Variants in DSCAM observed in about 807,000 individuals in gnomAD.
DSCAM encodes DS cell adhesion molecule.
A neutral mutation model predicts 217.7 loss-of-function variants in DSCAM; 47 were observed. The observed-to-expected ratio is 0.22, with a 90% CI of 0.17 to 0.28. DSCAM has a LOEUF of 0.28. Ranked by LOEUF, DSCAM falls within the 10% of genes least tolerant of loss-of-function variation. The probability of loss-of-function intolerance (pLI) is 1.00; values close to 1 mark genes in which losing one functional copy is unlikely to be tolerated. For missense variants in DSCAM, 2,080 were observed against 2,618.3 expected, an observed-to-expected ratio of 0.79 and a Z score of 4.49; for synonymous variants, 1,056 against 1,015.3, an observed-to-expected ratio of 1.04 and a Z score of -0.76.
At chr21:40,245,524 C>T (rs1332060540) in intron 11 of DSCAM, among the ~76,000 whole-genome samples, 1 of 152,208 alleles carries the variant, frequency 6.6e-6, no homozygotes, top group East Asian at 1.9e-4. Flanking sequence ...GCACCTCTCC[C>T]TGAAGGGAGG....
chr21:40,139,820 T>C (rs2090266793), intron 18 of DSCAM, among the ~76,000 whole-genome samples: 1 of 150,700 alleles, frequency 6.6e-6, no homozygotes, highest in South Asian at 2.1e-4. Flanking sequence ...GGTGTGTGTG[T>C]GTGGTATGCG....
At chr21:40,697,757 A>G (rs2090610773) in intron 2 of DSCAM, among the ~76,000 whole-genome samples, 2 of 152,156 alleles carry the variant, frequency 1.3e-5, no homozygotes, top group Admixed American at 1.3e-4. Context: ...GTATTCTTTG[A>G]AATTAGACTG....
At chr21:40,257,645 T>C (rs1002013115) in intron 11 of DSCAM, among the ~76,000 whole-genome samples, 7 of 152,062 alleles carry the variant, frequency 4.6e-5, no homozygotes, top group Admixed American at 6.6e-5. Flanking sequence ...ACAATCCCAA[T>C]TTTTACAGTT....
chr21:40,345,036 T>A (rs1342807822), intron 6 of DSCAM, among the ~76,000 whole-genome samples: 2 of 152,214 alleles, frequency 1.3e-5, no homozygotes, highest in African/African-American at 2.4e-5. Context: ...ACTTTCTTCT[T>A]CCTTCTCTAA....
chr21:40,466,586 T>C (rs1291909648), intron 3 of DSCAM, among the ~76,000 whole-genome samples: 1 of 150,154 alleles, frequency 6.7e-6, no homozygotes, highest in East Asian at 2.0e-4. Context: ...CTTGAAACTG[T>C]TTGTTTGTTT....
chr21:40,602,957 T>C, intron 3 of DSCAM, among the ~76,000 whole-genome samples: 1 of 33,868 alleles, frequency 3.0e-5, no homozygotes, highest in East Asian at 8.3e-4. Context: ...TTCTAATCTA[T>C]GCATTCAATG....
At chr21:40,750,063 G>C (rs112127502) in intron 1 of DSCAM, among the ~76,000 whole-genome samples, 1 of 151,846 alleles carries the variant, frequency 6.6e-6, no homozygotes, top group Non-Finnish European at 1.5e-5. Context: ...GAGTAGCTGC[G>C]ATTACAGGTG....
At chr21:40,044,703 T>C (rs1382234499) in intron 30 of DSCAM, among the ~76,000 whole-genome samples, 1 of 152,066 alleles carries the variant, frequency 6.6e-6, no homozygotes, top group African/African-American at 2.4e-5. Context: ...TTGAGAGAGG[T>C]ACTTTGGTTA....
intron 3 of DSCAM, among the ~76,000 whole-genome samples, chr21:40,524,649 A>G (rs1214680294): frequency 1.3e-5 from 2 of 152,144 alleles, no homozygotes; most frequent in African/African-American, 4.8e-5. Context: ...TGACTTTATA[A>G]TAGACTCAGG....
intron 1 of DSCAM, among the ~76,000 whole-genome samples, chr21:40,709,231 C>T (rs2090750779): frequency 6.6e-6 from 1 of 152,146 alleles, no homozygotes; most frequent in African/African-American, 2.4e-5. Context: ...TGTGTGAATG[C>T]CTAGATCTTG....
chr21:40,241,351 A>C (rs1444646950), intron 11 of DSCAM, among the ~76,000 whole-genome samples: 1 of 152,240 alleles, frequency 6.6e-6, no homozygotes, highest in Non-Finnish European at 1.5e-5. Flanking sequence ...GCTTTTCAAA[A>C]GAAGACAAAC....
chr21:40,769,331 T>C (rs541660126), intron 1 of DSCAM, among the ~76,000 whole-genome samples: 2 of 152,300 alleles, frequency 1.3e-5, no homozygotes, highest in South Asian at 4.1e-4. Flanking sequence ...ATGTGGGAGC[T>C]CTGGTCAGAG....
At chr21:40,538,300 C>T (rs1031834446) in intron 3 of DSCAM, among the ~76,000 whole-genome samples, 2 of 151,832 alleles carry the variant, frequency 1.3e-5, no homozygotes, top group Admixed American at 6.6e-5. Flanking sequence ...AAGCTAACCC[C>T]GTGCACAGCA....
chr21:40,463,330 T>A (rs1025085656), intron 3 of DSCAM, among the ~76,000 whole-genome samples: 2 of 152,140 alleles, frequency 1.3e-5, no homozygotes, highest in African/African-American at 4.8e-5. Context: ...CAATAACAAC[T>A]ATGCCCAGTG....
At chr21:40,348,188 C>A (rs201782082) in intron 5 of DSCAM, among the ~76,000 whole-genome samples, 1 of 83,366 alleles carries the variant, frequency 1.2e-5, no homozygotes. Flanking sequence ...TTCCTATCAG[C>A]CACATTATTG....
intron 28 of DSCAM, among the ~76,000 whole-genome samples, chr21:40,059,783 G>A (rs1480165712): frequency 1.3e-5 from 2 of 152,182 alleles, no homozygotes; most frequent in African/African-American, 2.4e-5. Flanking sequence ...ATGGGGCCTA[G>A]AGCACAGACT....
At chr21:40,799,937 T>G (rs2091724781) in intron 1 of DSCAM, among the ~76,000 whole-genome samples, 1 of 152,224 alleles carries the variant, frequency 6.6e-6, no homozygotes, top group South Asian at 2.1e-4. Flanking sequence ...AAACTCATGT[T>G]GAAACTTAAT....
rs1325184903 is a variant in DSCAM at position 40,376,428 on chromosome 21, ATATCTATATATCT to A, written c.509-7196_509-7184del. 4.2e-5 allele frequency among the ~76,000 whole-genome samples: 6 copies of A among 141,864 alleles called. No individual in the cohort carries two copies. In the East Asian group the frequency reaches 1.2e-3, roughly 29 times the overall value. 93.1% of individuals were successfully genotyped at this position (141,864 alleles called of 152,430 possible). ...TCTATATCATATATATCTTATATAG[ATATCTATATATCT>A]TATATAGATATCTATATATCTTATA... On this transcript the variant is annotated intron_variant, in intron 3 of 32. Transcript: ENST00000400454.
At position 40,405,428 on chromosome 21, in the gene DSCAM, T is replaced by C. The variant is rs550837207; in HGVS notation, c.509-36183A>G. ...AGTGGTCCCCAGTAGAAAAGCCACA[T>C]GGCATTGGTCTGGGCAAATAATTTT... On this transcript the variant is annotated intron_variant, in intron 3 of 32. Coordinates refer to ENST00000400454, the MANE Select transcript of DSCAM (RefSeq NM_001389.5). Among the ~76,000 whole-genome samples the C allele has an allele frequency of 3.3e-5, 5 of 152,048 alleles. No homozygotes were observed. The South Asian group carries it at 6.2e-4, about 19-fold the overall frequency.
Sources: gnomAD v4.1 joint callset for allele counts (sites outside exome capture counted in the v4.1 genomes callset) on GRCh38, gnomAD v4.1.1 for gene constraint, MANE v1.5 for transcripts, NCBI Gene and HGNC (gene_info 2026-07-23, HGNC 2026-07-21) for gene names.